The following RAD54L variants were observed in gnomAD, a reference collection of about 807,000 sequenced individuals.
RAD54L encodes RAD54 like, also known as DNA repair and recombination protein RAD54-like.
A neutral mutation model predicts 91.6 loss-of-function variants in RAD54L; 74 were observed. The ratio of observed to expected loss-of-function variants is 0.81; its 90% CI spans 0.67 to 0.98. The LOEUF is 0.98. RAD54L is among the 50% of genes least tolerant of loss of function. RAD54L has a pLI of 0.00. For synonymous variants in RAD54L, 304 were observed against 349.7 expected (o/e 0.87, Z 1.46); for missense variants, 887 against 945.7 (o/e 0.94, Z 0.81).
At chr1:46,249,952 G>A in intron 2 of RAD54L, 48 bp from the exon 3 acceptor site, 2 of 1,606,468 alleles carry the variant, frequency 1.2e-6, no homozygotes, top group Non-Finnish European at 1.7e-6. Flanking sequence ...CCATTATGGT[G>A]ATTTCTGTGG....
rs772723123 is a variant in RAD54L, at chr1:46,267,610, G to A, written c.1042+1G>A. ...CATTTTGTTAATTCCGGCATCCTAG[G>A]TAAGAATCTAGCCTTGTTTGCCACA... is the stretch of plus-strand genomic sequence containing the variant. On this transcript the variant is annotated splice_donor_variant, in intron 9 of 17. Transcript: ENST00000371975. LOFTEE classifies it high-confidence loss of function. The A allele has an allele frequency of 6.2e-6, 10 of 1,608,588 alleles. No homozygotes were observed. The highest frequency in any genetic ancestry group is 7.7e-6 in the Non-Finnish European group (9 of 1,175,120).
chr1:46,274,183 A>T lies in RAD54L; in HGVS notation c.1656A>T (p.Arg552=), dbSNP rs756452106. Reference sequence around the variant, plus strand: ...ATGGCACGATGTCCATTAAGAAGCGAGCCAAGGTTGTAGAACGCTTCAATA... The same window carrying T: ...ATGGCACGATGTCCATTAAGAAGCGTGCCAAGGTTGTAGAACGCTTCAATA... ...RLDGTMSIKK[R]AKVVERFNSP... is the part of the protein sequence containing the mutation. Residue 552 remains arginine (R), a synonymous_variant, in exon 15 of 18, where the codon CGA becomes CGT. Transcript: ENST00000371975. 51 of 1,613,916 alleles carry T rather than the reference A, an allele frequency of 3.2e-5. No homozygotes were observed. In the Admixed American group the frequency reaches 8.5e-4, roughly 27 times the overall value.
intron 3 of RAD54L, among the ~76,000 whole-genome samples, chr1:46,257,519 C>T (rs1569575211): frequency 6.6e-6 from 1 of 152,188 alleles, no homozygotes; most frequent in East Asian, 1.9e-4. Context: ...TTCTCTGCCC[C>T]TGCCCCAGCC....
intron 3 of RAD54L, among the ~76,000 whole-genome samples, chr1:46,257,572 G>A (rs1198580385): frequency 6.6e-6 from 1 of 152,214 alleles, no homozygotes; most frequent in East Asian, 1.9e-4. Context: ...AGAAGTGCTT[G>A]TACAGAGGCT....
At chr1:46,276,250 C>T (rs1335185566) in intron 16 of RAD54L, among the ~76,000 whole-genome samples, 1 of 152,152 alleles carries the variant, frequency 6.6e-6, no homozygotes, top group Non-Finnish European at 1.5e-5. Context: ...CGATCATGGA[C>T]CACTGCAGCT....
chr1:46,272,847 G>C, intron 12 of RAD54L, 45 bp downstream of exon 12: 1 of 1,612,260 alleles, frequency 6.2e-7, no homozygotes, highest in Non-Finnish European at 8.5e-7. Context: ...GAGTGAGCAA[G>C]GGAGGGTAGG....
At position 46,248,190 on chromosome 1, in the gene RAD54L, C is replaced by T. The variant is rs1557696362; in HGVS notation, c.-216C>T. 4.5e-6 allele frequency: 3 copies of T among 672,392 alleles called. No homozygotes were observed. In the East Asian group the frequency reaches 8.1e-5, roughly 18 times the overall value. The allele number at this position is 672,392 out of a possible 1,614,324, so 41.7% of individuals were successfully genotyped here. On this transcript the variant is annotated 5_prime_UTR_variant, in exon 1 of 18. Transcript: ENST00000371975. ...CTTCCTCTTTGGCCTAATCTCTCGT[C>T]TCGGCTTATTGGGGACGGCCACTCT... is the stretch of plus-strand genomic sequence containing the variant.
rs765182692 is a variant in RAD54L, at chr1:46,250,008, G to T, written c.99G>T (p.Arg33Ser). Reference sequence around the variant, plus strand: ...CCAATTCTCTCTCCTAGACTCCTAGGAAACGGAAATCCAGCAGTGAGACCC... The same window carrying T: ...CCAATTCTCTCTCCTAGACTCCTAGTAAACGGAAATCCAGCAGTGAGACCC... ...EDWQPGLVTP[R>S]KRKSSSETQI... Residue 33 changes from arginine to serine, a missense_variant, in exon 3 of 18, where the codon AGG becomes AGT. Transcript: ENST00000371975. The T allele has an allele frequency of 6.2e-7, 1 of 1,613,988 alleles. No homozygotes were observed. Among genetic ancestry groups the T allele is most frequent in the Admixed American group, 1.7e-5 (1 of 60,010 alleles).
In RAD54L at chr1:46,255,492, CTTTTTT is replaced by C. The variant is rs869103738; in HGVS notation, c.211-3175_211-3170del. 8.7e-4 allele frequency among the ~76,000 whole-genome samples: 70 copies of C among 80,834 alleles called. No homozygotes were observed. The South Asian group carries it at 0.011, about 12-fold the overall frequency. The allele number at this position is 80,834 out of a possible 152,430, so 53.0% of individuals were successfully genotyped here. Reference sequence around the variant, plus strand: ...CCAGATCCCTGAAGGTTGGCCATTCCTTTTTTTTTTTTTTTTTTTTTTTTGAGACAT... The same window carrying C: ...CCAGATCCCTGAAGGTTGGCCATTCCTTTTTTTTTTTTTTTTTTGAGACAT... On this transcript the variant is annotated intron_variant, in intron 3 of 17. Coordinates refer to ENST00000371975, the MANE Select transcript of RAD54L (RefSeq NM_003579.4).
At chr1:46,261,635 A>T (rs898265518) in intron 8 of RAD54L, among the ~76,000 whole-genome samples, 3 of 152,150 alleles carry the variant, frequency 2.0e-5, no homozygotes, top group African/African-American at 7.2e-5. Context: ...TTGCCTCCGG[A>T]TAGTATTCCT....
At position 46,273,483 on chromosome 1, in the gene RAD54L, A is replaced by G. The variant is rs1400783440; in HGVS notation, c.1486+18A>G. 6.2e-7 allele frequency: 1 copy of G among 1,610,914 alleles called. No individual in the cohort carries two copies. Among genetic ancestry groups the G allele is most frequent in the East Asian group, 2.2e-5 (1 of 44,838 alleles). ...GCTGTCAGGTGACCCTTTTCCTACC[A>G]GTATTTGGGCTTCTCTAGGAGGAGG... On this transcript the variant is annotated intron_variant, in intron 13 of 17. Transcript: ENST00000371975.
At chr1:46,248,443 C>T (rs1248871908) in intron 1 of RAD54L, 35 bp downstream of exon 1, 3 of 1,613,970 alleles carry the variant, frequency 1.9e-6, no homozygotes, top group Non-Finnish European at 2.5e-6. Flanking sequence ...GGGAATAGCC[C>T]TGGGTCAGGG....
chr1:46,260,508 T>C, intron 5 of RAD54L, 34 bp from the exon 6 acceptor site: 2 of 1,603,568 alleles, frequency 1.2e-6, no homozygotes, highest in Non-Finnish European at 1.7e-6. Flanking sequence ...TGCCCATGTC[T>C]GAGCACGCTG....
intron 3 of RAD54L, among the ~76,000 whole-genome samples, chr1:46,255,021 G>A (rs934389135): frequency 2.0e-5 from 3 of 152,152 alleles, no homozygotes; most frequent in Non-Finnish European, 4.4e-5. Flanking sequence ...TATTTGAGGA[G>A]TGGTCAGCTT....
chr1:46,249,516 C>T (rs1322659250), intron 2 of RAD54L, among the ~76,000 whole-genome samples: 1 of 152,198 alleles, frequency 6.6e-6, no homozygotes, highest in Non-Finnish European at 1.5e-5. Context: ...TCTGGGTCTG[C>T]TGTCAGTTGC....
Position 46,262,671 on chromosome 1 carries a change from G to GT in RAD54L, c.891+1293dup, listed in dbSNP as rs535126077. On this transcript the variant is annotated intron_variant, in intron 8 of 17. Coordinates refer to ENST00000371975, the MANE Select transcript of RAD54L (RefSeq NM_003579.4). ...TGTCCCCTGCTTGTAAAGATGAGCT[G>GT]TTTTTTTACATTGTCAGGGTGAGGG... Among the ~76,000 whole-genome samples the GT allele has an allele frequency of 4.6e-5, 7 of 152,090 alleles. No individual in the cohort carries two copies. In the East Asian group the frequency reaches 1.2e-3, roughly 25 times the overall value.
rs966052938 is a variant in RAD54L at position 46,248,227 on chromosome 1, T to C, written c.-179T>C. ...GGGACGGCCACTCTCACAGTTTGGT[T>C]CCAAACACCAGTTCCTGGATGGATT... On this transcript the variant is annotated 5_prime_UTR_variant, in exon 1 of 18. Transcript: ENST00000371975. 1.2e-6 allele frequency: 1 copy of C among 813,226 alleles called. No individual in the cohort carries two copies. The highest frequency in any genetic ancestry group is 1.5e-5 in the South Asian group (1 of 68,088). 50.4% of individuals were successfully genotyped at this position (813,226 alleles called of 1,614,324 possible).
chr1:46,255,114 A>C (rs1253504340), intron 3 of RAD54L, among the ~76,000 whole-genome samples: 1 of 152,230 alleles, frequency 6.6e-6, no homozygotes, highest in Non-Finnish European at 1.5e-5. Flanking sequence ...GGCAGAAGAC[A>C]GGAAGAGTGG....
At chr1:46,275,393 C>G (rs1660564402) in intron 16 of RAD54L, among the ~76,000 whole-genome samples, 1 of 152,228 alleles carries the variant, frequency 6.6e-6, no homozygotes, top group African/African-American at 2.4e-5. Context: ...CTAGCTTTCA[C>G]ATACCTGCTG....
Sources: allele counts gnomAD v4.1 joint callset (sites outside exome capture counted in the v4.1 genomes callset), GRCh38; gene constraint gnomAD v4.1.1; transcripts MANE v1.5; gene names NCBI Gene and HGNC (gene_info 2026-07-23, HGNC 2026-07-21).